Variants in RSAD1 observed in about 807,000 individuals in gnomAD.
RSAD1 encodes the protein radical S-adenosyl methionine domain-containing protein 1, mitochondrial.
A neutral mutation model predicts 46.2 loss-of-function variants in RSAD1; 34 were observed. The ratio of observed to expected loss-of-function variants is 0.74; its 90% CI spans 0.56 to 0.98. RSAD1 has a LOEUF of 0.98. Among genes scored for constraint, RSAD1 ranks in the 50% least tolerant of loss-of-function variants. The pLI is 0.00. For synonymous variants in RSAD1, 260 were observed against 253.5 expected (o/e 1.03, Z -0.24); for missense variants, 635 against 592.3 (o/e 1.07, Z -0.75).
intron 3 of RSAD1, among the ~76,000 whole-genome samples, chr17:50,481,769 A>G (rs991693245): frequency 1.3e-5 from 2 of 152,212 alleles, no homozygotes; most frequent in Admixed American, 6.5e-5. Context: ...GGAGTCAGAC[A>G]GTCCTAAATT....
At chr17:50,482,853 A>G (rs376675135) in intron 5 of RSAD1, 147 bp downstream of exon 5, 1 of 713,250 alleles carries the variant, frequency 1.4e-6, no homozygotes, top group Non-Finnish European at 2.4e-6. Flanking sequence ...ACTGTTGAGC[A>G]TGAATTATAA....
In RSAD1 at chr17:50,483,460, AGCGTGTCCCCCT is replaced by A. The variant is rs775285299; in HGVS notation, c.1027_1038del (p.Arg343_Leu346del). 1.5e-5 allele frequency: 24 copies of A among 1,613,192 alleles called. No homozygotes were observed. The highest frequency in any genetic ancestry group is 2.0e-5 in the Non-Finnish European group (24 of 1,179,718). Reference sequence around the variant, plus strand: ...ATGCTGTTTGGCCATGGCACCCGGAAGCGTGTCCCCCTGGGCAGGCTGGAGCTGTGAGCATCC... The same window carrying A: ...ATGCTGTTTGGCCATGGCACCCGGAAGGGCAGGCTGGAGCTGTGAGCATCC... On this transcript the variant is annotated inframe_deletion, in exon 6 of 9. Transcript: ENST00000258955.
chr17:50,484,380 C>G (rs557339476), intron 7 of RSAD1, 62 bp from the exon 8 acceptor site: 57 of 1,478,462 alleles, frequency 3.9e-5, no homozygotes, highest in Non-Finnish European at 4.8e-5. Context: ...TCACCATACC[C>G]CAACTATGTG....
At position 50,480,119 on chromosome 17, in the gene RSAD1, C is replaced by G. The variant is rs756613758; in HGVS notation, c.474+35C>G. On this transcript the variant is annotated intron_variant, in intron 3 of 8. Transcript: ENST00000258955. The stretch of plus-strand genomic sequence containing the variant: ...GGCACTCACCCCATCCCAGTGCACC[C>G]CGCCCTTCAGTGCCATCTCCTCTTT... The G allele has an allele frequency of 1.9e-6, 3 of 1,600,356 alleles. No individual in the cohort carries two copies. The Admixed American group carries it at 5.0e-5, about 27-fold the overall frequency.
At chr17:50,479,361 C>T (rs943622858) in intron 1 of RSAD1, 1 of 504,234 alleles carries the variant, frequency 2.0e-6, no homozygotes, top group Non-Finnish European at 3.5e-6. Context: ...ATTATATGAT[C>T]CCAGAAAGAG....
chr17:50,484,641 T>A, intron 8 of RSAD1, 96 bp downstream of exon 8: 5 of 1,520,948 alleles, frequency 3.3e-6, no homozygotes, highest in Non-Finnish European at 4.5e-6. Context: ...AAAGACTGAC[T>A]GGTAAGGCGG....
rs561004561 is a variant in RSAD1 at position 50,482,366 on chromosome 17, G to A, written c.750G>A (p.Pro250=). The A allele has an allele frequency of 9.3e-6, 15 of 1,610,464 alleles. No individual in the cohort carries two copies. In the African/African-American group the frequency reaches 1.7e-4, roughly 19 times the overall value. ...GGGGTGCCCTTCCAGCCCCTGACCC[G>A]GAGCTCGCAGCTGAGATGTACCAGA... ...VQRGALPAPD[P]ELAAEMYQRG... The change falls in exon 4 of 9, where the codon CCG becomes CCA. Residue 250 remains proline (P), a synonymous_variant. Transcript: ENST00000258955.
chr17:50,480,385 C>T, intron 3 of RSAD1: 1 of 400,262 alleles, frequency 2.5e-6, no homozygotes, highest in Non-Finnish European at 4.7e-6. Flanking sequence ...GACATGTAGC[C>T]AGATTATTGC....
At chr17:50,484,141 A>G in intron 7 of RSAD1, 1 of 451,178 alleles carries the variant, frequency 2.2e-6, no homozygotes. Flanking sequence ...AAGCAAATCC[A>G]GAGCTGCTCT....
At chr17:50,484,592 G>A in intron 8 of RSAD1, 47 bp downstream of exon 8, 1 of 1,584,824 alleles carries the variant, frequency 6.3e-7, no homozygotes, top group African/African-American at 1.3e-5. Flanking sequence ...ATACCAGGGA[G>A]CCCTGACTAC....
intron 1 of RSAD1, 65 bp from the exon 2 acceptor site, chr17:50,479,564 G>C: frequency 6.2e-7 from 1 of 1,603,658 alleles, no homozygotes; most frequent in Non-Finnish European, 8.5e-7. Flanking sequence ...TTGGGGGTGT[G>C]TGCGACTGAA....
In RSAD1 at chr17:50,482,242, T is replaced by C. The variant is rs1244600406; in HGVS notation, c.626T>C (p.Leu209Pro). Residue 209 changes from leucine to proline, a missense_variant, in exon 4 of 9, where the codon CTT (leucine) becomes CCT (proline). Transcript: ENST00000258955. ...CCGGCACAGCAGGTGGGGCCGTGGC[T>C]TGGGCAGCTGCAGGAACTGCTGCAC... ...GLPAQQVGPW[L>P]GQLQELLHHC... 6.4e-7 allele frequency: 1 copy of C among 1,571,584 alleles called. No homozygotes were observed. Among genetic ancestry groups the C allele is most frequent in the African/African-American group, 1.4e-5 (1 of 73,908 alleles).
rs762556968 is a variant in RSAD1, at chr17:50,482,387, C to T, written c.771C>T (p.Tyr257=). The change falls in exon 4 of 9, where the codon TAC becomes TAT. Residue 257 remains tyrosine, a synonymous_variant. Transcript: ENST00000258955. ...ACCCGGAGCTCGCAGCTGAGATGTA[C>T]CAGAGGGGCCGGGCTGTCCTTCGGG... is the stretch of plus-strand genomic sequence containing the variant. ...APDPELAAEM[Y]QRGRAVLREA... The T allele has an allele frequency of 7.5e-6, 12 of 1,603,544 alleles. No individual in the cohort carries two copies. In the South Asian group the frequency reaches 1.1e-4, roughly 15 times the overall value.
In RSAD1 at chr17:50,481,319, G is replaced by A. The variant is rs150508277; in HGVS notation, c.475-772G>A. Among the ~76,000 whole-genome samples the A allele has an allele frequency of 8.5e-5, 13 of 152,338 alleles. No homozygotes were observed. In the East Asian group the frequency reaches 2.5e-3, roughly 29 times the overall value. The stretch of plus-strand genomic sequence containing the variant: ...GTCAGTGTTGCATTTCCTGAACTCT[G>A]TAATTGGATTGCAGTTATGTAAGAG... On this transcript the variant is annotated intron_variant, in intron 3 of 8. Coordinates refer to ENST00000258955, the MANE Select transcript of RSAD1 (RefSeq NM_018346.3).
At chr17:50,483,833 C>G (rs906501191) in intron 7 of RSAD1, 73 bp downstream of exon 7, 107 of 1,391,992 alleles carry the variant, frequency 7.7e-5, no homozygotes, top group East Asian at 1.9e-4. Flanking sequence ...CCCTGCCACC[C>G]CCCCCACACA....
Position 50,480,014 on chromosome 17 carries a change from C to T in RSAD1, c.404C>T (p.Thr135Ile), listed in dbSNP as rs369218216. The T allele has an allele frequency of 1.2e-6, 2 of 1,614,090 alleles. No individual in the cohort carries two copies. Among genetic ancestry groups the T allele is most frequent in the African/African-American group, 2.7e-5 (2 of 74,938 alleles). Reference sequence around the variant, plus strand: ...GAAGTCACATTGGAGGCTAATCCTACTTCAGCTCCGGGCTCCAGACTGGCA... The same window carrying T: ...GAAGTCACATTGGAGGCTAATCCTATTTCAGCTCCGGGCTCCAGACTGGCA... ...DLEVTLEANPTSAPGSRLAEF... is the reference protein window; with the variant it reads ...DLEVTLEANPISAPGSRLAEF... Residue 135 changes from threonine (T) to isoleucine (I), a missense_variant, in exon 3 of 9, where the codon ACT becomes ATT. Thr to Ile is a moderately conservative substitution (Grantham distance 89). Transcript: ENST00000258955.
chr17:50,479,258 T>G (rs2033348831), intron 1 of RSAD1: 6 of 500,410 alleles, frequency 1.2e-5, no homozygotes, highest in Middle Eastern at 5.3e-4. Flanking sequence ...TCAAATTTCA[T>G]AACAATTTTC....
In RSAD1 at chr17:50,480,052, G is replaced by A. The variant is rs771603457; in HGVS notation, c.442G>A (p.Ala148Thr). The change falls in exon 3 of 9, where the codon GCA becomes ACA. Residue 148 changes from alanine (A) to threonine (T), a missense_variant. By Grantham distance (58) the Ala-to-Thr change is moderately conservative. Transcript: ENST00000258955. ...PGSRLAEFGA[A>T]GVNRLSIGLQ... ...CTCCAGACTGGCAGAGTTCGGGGCA[G>A]CAGGGGTTAACAGGTTGTCTATAGG... The A allele has an allele frequency of 6.2e-7, 1 of 1,614,134 alleles. No homozygotes were observed. The highest frequency in any genetic ancestry group is 8.5e-7 in the Non-Finnish European group (1 of 1,180,036).
At chr17:50,484,058 GAT>G (rs769275819) in intron 7 of RSAD1, 10 of 484,208 alleles carry the variant, frequency 2.1e-5, no homozygotes, top group Non-Finnish European at 3.3e-5. Context: ...TGAAGCAATA[GAT>G]AGATAAAGGG....
Sources: allele counts gnomAD v4.1 joint callset (sites outside exome capture counted in the v4.1 genomes callset), GRCh38; gene constraint gnomAD v4.1.1; transcripts MANE v1.5; gene names NCBI Gene and HGNC (gene_info 2026-07-23, HGNC 2026-07-21).